Variants in DMD observed in about 807,000 individuals in gnomAD.
DMD encodes the protein mutant dystrophin.
Under a neutral mutation model 330.1 loss-of-function variants are expected in DMD, and 63 were observed. The ratio of observed to expected loss-of-function variants is 0.19; its 90% CI spans 0.16 to 0.24. The LOEUF (loss-of-function observed/expected upper bound fraction) is 0.24. Among genes scored for constraint, DMD ranks in the 10% least tolerant of loss-of-function variants. The probability of loss-of-function intolerance (pLI) is 1.00; values close to 1 mark genes in which losing one functional copy is unlikely to be tolerated. For synonymous variants in DMD, 1,223 were observed against 959.8 expected (o/e 1.27, Z -5.07); for missense variants, 3,344 against 2,684.1 (o/e 1.25, Z -5.43).
chrX:33,124,476 G>GAAA (rs56147804), intron 1 of DMD, among the ~76,000 whole-genome samples: 1 of 16,132 alleles, frequency 6.2e-5, no homozygotes, highest in African/African-American at 2.7e-4. Flanking sequence ...GACTCTGTCT[G>GAAA]AAAAAAAAAA....
At chrX:32,307,066 C>T (rs143263562) in intron 42 of DMD, among the ~76,000 whole-genome samples, 6,674 of 110,912 alleles carry the variant, frequency 0.06, 200 homozygotes, top group Middle Eastern at 0.097. Context: ...AATTTCTCTA[C>T]GTAAATGCTA....
At chrX:32,569,413 G>T (rs10522006) in intron 15 of DMD, among the ~76,000 whole-genome samples, 46,643 of 110,740 alleles carry the variant, frequency 0.42, 8,449 homozygotes, top group Non-Finnish European at 0.57. Flanking sequence ...TACTTTGGGA[G>T]GTTGATCTAT....
At chrX:31,514,652 C>T (rs758606964) in intron 55 of DMD, among the ~76,000 whole-genome samples, 4 of 111,832 alleles carry the variant, frequency 3.6e-5, no homozygotes, top group South Asian at 3.7e-4. Context: ...CTTTGAATAG[C>T]GTCTAGAACA....
At chrX:32,697,835 C>A in intron 9 of DMD, 35 bp downstream of exon 9, 1 of 1,209,096 alleles carries the variant, frequency 8.3e-7, no homozygotes, top group Non-Finnish European at 1.1e-6. Flanking sequence ...AAGCAGTTCT[C>A]TGGTTTGTAC....
chrX:33,181,623 T>C (rs377494124), intron 1 of DMD, among the ~76,000 whole-genome samples: 1 of 111,689 alleles, frequency 9.0e-6, no homozygotes, highest in African/African-American at 3.3e-5. Context: ...GTCCTAAGTA[T>C]TTACTCACAT....
intron 55 of DMD, among the ~76,000 whole-genome samples, chrX:31,563,122 T>C (rs2075288398): frequency 9.0e-6 from 1 of 111,541 alleles, no homozygotes; most frequent in Non-Finnish European, 1.9e-5. Flanking sequence ...TGGAGTACAA[T>C]GGTGCGATCT....
At chrX:32,705,786 T>A (rs2064572349) in intron 7 of DMD, among the ~76,000 whole-genome samples, 1 of 111,922 alleles carries the variant, frequency 8.9e-6, no homozygotes, top group Admixed American at 9.5e-5. Flanking sequence ...CCAGTGATGA[T>A]GAGCATTTTT....
chrX:31,997,427 T>G (rs1301661850), intron 44 of DMD, among the ~76,000 whole-genome samples: 4 of 93,840 alleles, frequency 4.3e-5, no homozygotes, highest in Admixed American at 2.2e-4. Flanking sequence ...TATTTTTTTT[T>G]GTTTTTTGTT....
At chrX:32,977,582 T>C (rs1046332405) in intron 2 of DMD, among the ~76,000 whole-genome samples, 3 of 111,191 alleles carry the variant, frequency 2.7e-5, no homozygotes, top group African/African-American at 9.8e-5. Flanking sequence ...TCCTGCAGCT[T>C]TTCTGTGTAT....
chrX:32,349,399 G>A (rs915122674), intron 37 of DMD, among the ~76,000 whole-genome samples: 4 of 110,953 alleles, frequency 3.6e-5, no homozygotes, highest in African/African-American at 1.3e-4. Context: ...ATTTTATATG[G>A]GATAGCTCTT....
At chrX:31,615,816 G>A (rs910202870) in intron 55 of DMD, among the ~76,000 whole-genome samples, 1 of 111,825 alleles carries the variant, frequency 8.9e-6, no homozygotes, top group Non-Finnish European at 1.9e-5. Context: ...CTCTCAAGGT[G>A]ATAGTGAAAT....
At chrX:33,222,912 A>G (rs563419775) in intron 1 of DMD, among the ~76,000 whole-genome samples, 1 of 112,375 alleles carries the variant, frequency 8.9e-6, no homozygotes, top group South Asian at 3.7e-4. Context: ...ATTGATCTAT[A>G]GACTCAATGT....
At chrX:31,184,116 C>T (rs1010884045) in intron 67 of DMD, among the ~76,000 whole-genome samples, 2 of 111,243 alleles carry the variant, frequency 1.8e-5, no homozygotes, top group Non-Finnish European at 3.8e-5. Context: ...ACCATGTTGA[C>T]TAGGCAGGTC....
At chrX:31,572,628 A>G (rs1381537398) in intron 55 of DMD, among the ~76,000 whole-genome samples, 2 of 112,557 alleles carry the variant, frequency 1.8e-5, no homozygotes, top group Non-Finnish European at 3.8e-5. Flanking sequence ...CTTTGAAAGA[A>G]TAACTAACTC....
At chrX:33,258,088 A>G (rs541844028) in intron 1 of DMD, among the ~76,000 whole-genome samples, 1 of 111,746 alleles carries the variant, frequency 8.9e-6, no homozygotes, top group African/African-American at 3.2e-5. Context: ...CGTAATAAAT[A>G]TACAAATCAC....
chrX:32,888,076 TAAA>T (rs1375357846), intron 2 of DMD, among the ~76,000 whole-genome samples: 2 of 111,077 alleles, frequency 1.8e-5, no homozygotes, highest in Non-Finnish European at 1.9e-5. Context: ...TTTTTTGAAA[TAAA>T]AAAGCTTTTA....
intron 2 of DMD, among the ~76,000 whole-genome samples, chrX:32,863,592 T>C (rs1327617388): frequency 1.1e-5 from 1 of 88,808 alleles, no homozygotes; most frequent in Non-Finnish European, 2.1e-5. Flanking sequence ...ACATATACCA[T>C]GACATAATGG....
intron 23 of DMD, among the ~76,000 whole-genome samples, chrX:32,465,409 T>C (rs1263193360): frequency 9.0e-6 from 1 of 111,053 alleles, no homozygotes; most frequent in Non-Finnish European, 1.9e-5. Context: ...ATTGAAAATA[T>C]GTGCTCCACA....
intron 52 of DMD, among the ~76,000 whole-genome samples, chrX:31,708,601 A>G (rs898071258): frequency 9.0e-6 from 1 of 110,640 alleles, no homozygotes; most frequent in Non-Finnish European, 1.9e-5. Context: ...ATAATTCCCT[A>G]TATCATTAAA....
Sources: allele counts gnomAD v4.1 joint callset (sites outside exome capture counted in the v4.1 genomes callset), GRCh38; gene constraint gnomAD v4.1.1; transcripts MANE v1.5; gene names NCBI Gene and HGNC (gene_info 2026-07-23, HGNC 2026-07-21).